OPN1MW: variants seen among roughly 807,000 people sequenced by gnomAD.
The protein encoded by OPN1MW is opsin 1, medium wave sensitive.
A neutral mutation model predicts 7.6 loss-of-function variants in OPN1MW; 1 was observed. That is an observed-to-expected ratio of 0.13 (90% CI 0.05 to 0.62). OPN1MW has a LOEUF of 0.62. OPN1MW is among the 20% of genes least tolerant of loss of function. OPN1MW has a pLI of 0.87. For missense variants in OPN1MW, 16 were observed against 122.7 expected (o/e 0.13, Z 4.11); for synonymous variants, 11 against 51.7 (o/e 0.21, Z 3.38).
At chrX:154,186,418 G>A (rs1217234688) in intron 1 of OPN1MW, among the ~76,000 whole-genome samples, 1 of 97,508 alleles carries the variant, frequency 1.0e-5, no homozygotes. Context: ...TTGAAGTCAG[G>A]AGTTCGAGAC....
chrX:154,189,308 A>T, intron 2 of OPN1MW, among the ~76,000 whole-genome samples: 1 of 25,162 alleles, frequency 4.0e-5, no homozygotes, highest in Non-Finnish European at 7.4e-5. Context: ...GCAGCAAATT[A>T]TACTGAAATA....
At chrX:154,191,354 A>G (rs2067114519) in intron 3 of OPN1MW, among the ~76,000 whole-genome samples, 1 of 80,002 alleles carries the variant, frequency 1.2e-5, no homozygotes, top group Non-Finnish European at 2.6e-5. Context: ...CTGGGACTAT[A>G]GGCGTGAGCC....
chrX:154,193,936 C>T (rs1285742456), intron 5 of OPN1MW, among the ~76,000 whole-genome samples: 3 of 89,898 alleles, frequency 3.3e-5, no homozygotes, highest in Non-Finnish European at 6.5e-5. Flanking sequence ...TTCCGGTGGC[C>T]CTAGAACTAT....
chrX:154,188,318 G>GGAGCTGT (rs2148787111), intron 2 of OPN1MW, among the ~76,000 whole-genome samples: 1 of 44,252 alleles, frequency 2.3e-5, no homozygotes, highest in East Asian at 7.9e-4. Context: ...CAGCCAGTTT[G>GGAGCTGT]GAGCTGTGGG....
At chrX:154,188,619 ACAGTACCATCAT>A in intron 2 of OPN1MW, among the ~76,000 whole-genome samples, 1 of 60,862 alleles carries the variant, frequency 1.6e-5, no homozygotes, top group East Asian at 4.8e-4. Flanking sequence ...CGGCAACCAC[ACAGTACCATCAT>A]CAGTCCTCTC....
chrX:154,186,661 AAAAG>A (rs2067106985), intron 1 of OPN1MW, among the ~76,000 whole-genome samples: 1 of 97,477 alleles, frequency 1.0e-5, no homozygotes, highest in African/African-American at 3.5e-5. Flanking sequence ...AAAAAAAAAG[AAAAG>A]AAAGAAAGGA....
rs782751756 is a variant in OPN1MW at position 154,193,455 on chromosome X, G to A, written c.792G>A (p.Lys264=). 1 of 1,027,380 alleles carries A rather than the reference G, an allele frequency of 9.7e-7. No individual in the cohort carries two copies. Among genetic ancestry groups the A allele is most frequent in the East Asian group, 3.3e-5 (1 of 30,629 alleles). The allele number at this position is 1,027,380 out of a possible 1,213,427, so 84.7% of individuals were successfully genotyped here. ...KESESTQKAE[K]EVTRMVVVMV... ...CTGAATCCACCCAGAAGGCAGAGAA[G>A]GAAGTGACGCGCATGGTGGTGGTGA... The change falls in exon 5 of 6, where the codon AAG becomes AAA. Residue 264 remains lysine (K), a synonymous_variant. Transcript: ENST00000595290.
In OPN1MW at chrX:154,186,659, A is replaced by T. The variant is rs1318734117; in HGVS notation, c.113-1111A>T. Among the ~76,000 whole-genome samples, 2 of 95,685 alleles carry T rather than the reference A, an allele frequency of 2.1e-5. 1 individual carries two copies. The highest frequency in any genetic ancestry group is 4.3e-5 in the Non-Finnish European group (2 of 46,921). 83.1% of individuals were successfully genotyped at this position (95,685 alleles called of 115,157 possible). ...ACTTTGTCCCAAAAAAAAAAAAAAAAGAAAAGAAAGAAAGGAAAAGAATAA... is the reference window on the plus strand; with the variant it reads ...ACTTTGTCCCAAAAAAAAAAAAAAATGAAAAGAAAGAAAGGAAAAGAATAA... On this transcript the variant is annotated intron_variant, in intron 1 of 5. Coordinates refer to ENST00000595290, the MANE Select transcript of OPN1MW (RefSeq NM_000513.2).
At chrX:154,191,176 G>A (rs2067113951) in intron 3 of OPN1MW, among the ~76,000 whole-genome samples, 1 of 69,428 alleles carries the variant, frequency 1.4e-5, no homozygotes, top group Non-Finnish European at 3.1e-5. Flanking sequence ...CACCTCCTGG[G>A]CTCAAGTGAT....
chrX:154,187,851 T>G lies in OPN1MW; in HGVS notation c.194T>G (p.Ile65Ser), dbSNP rs1223726997. The G allele has an allele frequency of 8.7e-6, 3 of 345,490 alleles. No homozygotes were observed. The highest frequency in any genetic ancestry group is 8.4e-6 in the Non-Finnish European group (2 of 237,689). 28.5% of individuals were successfully genotyped at this position (345,490 alleles called of 1,213,427 possible). A position where few individuals can be genotyped will look rare whatever the true frequency, so the allele number is the denominator to read the frequency against. ...AGTGTCTGGATGATCTTTGTGGTCATTGCATCCGTCTTCACAAATGGGCTT... is the reference window on the plus strand; with the variant it reads ...AGTGTCTGGATGATCTTTGTGGTCAGTGCATCCGTCTTCACAAATGGGCTT... Reference protein sequence around the residue: ...LTSVWMIFVVIASVFTNGLVL... With the variant: ...LTSVWMIFVVSASVFTNGLVL... The change falls in exon 2 of 6, where the codon ATT (isoleucine) becomes AGT (serine). Residue 65 changes from isoleucine to serine, a missense_variant. By Grantham distance (142) the Ile-to-Ser change is moderately radical. Coordinates refer to ENST00000595290, the MANE Select transcript of OPN1MW (RefSeq NM_000513.2).
chrX:154,186,643 CAA>C (rs782579946), intron 1 of OPN1MW, among the ~76,000 whole-genome samples: 1,003 of 65,526 alleles, frequency 0.015, 1 homozygote, highest in African/African-American at 0.035. Flanking sequence ...GACTTTGTCC[CAA>C]AAAAAAAAAA....
At chrX:154,186,517 C>G (rs1308514710) in intron 1 of OPN1MW, among the ~76,000 whole-genome samples, 2 of 102,251 alleles carry the variant, frequency 2.0e-5, no homozygotes, top group Non-Finnish European at 4.1e-5. Context: ...CCCAGGTACT[C>G]GAGAGGCTGA....
At position 154,193,494 on chromosome X, in the gene OPN1MW, C is replaced by T. The variant is rs782593044; in HGVS notation, c.831C>T (p.Phe277=). ...TRMVVVMVLA[F]CFCWGPYAFF... ...TGGTGGTGGTGATGGTCCTGGCATTCTGCTTCTGCTGGGGACCATACGCCT... is the reference window on the plus strand; with the variant it reads ...TGGTGGTGGTGATGGTCCTGGCATTTTGCTTCTGCTGGGGACCATACGCCT... Residue 277 remains phenylalanine, a synonymous_variant, in exon 5 of 6, where the codon TTC becomes TTT. Coordinates refer to ENST00000595290, the MANE Select transcript of OPN1MW (RefSeq NM_000513.2). 9.7e-6 allele frequency: 10 copies of T among 1,029,829 alleles called. 1 individual carries two copies. The East Asian group carries it at 2.9e-4, about 30-fold the overall frequency. The allele number at this position is 1,029,829 out of a possible 1,213,427, so 84.9% of individuals were successfully genotyped here.
chrX:154,193,501 T>G lies in OPN1MW; in HGVS notation c.838T>G (p.Cys280Gly). 1 of 1,030,141 alleles carries G rather than the reference T, an allele frequency of 9.7e-7. No individual in the cohort carries two copies. The highest frequency in any genetic ancestry group is 1.3e-6 in the Non-Finnish European group (1 of 778,501). The allele number at this position is 1,030,141 out of a possible 1,213,427, so 84.9% of individuals were successfully genotyped here. The change falls in exon 5 of 6, where the codon TGC becomes GGC. Residue 280 changes from cysteine to glycine, a missense_variant. Coordinates refer to ENST00000595290, the MANE Select transcript of OPN1MW (RefSeq NM_000513.2). ...VVVMVLAFCF[C>G]WGPYAFFACF... Reference sequence around the variant, plus strand: ...GGTGATGGTCCTGGCATTCTGCTTCTGCTGGGGACCATACGCCTTCTTCGC... The same window carrying G: ...GGTGATGGTCCTGGCATTCTGCTTCGGCTGGGGACCATACGCCTTCTTCGC...
At chrX:154,186,669 G>C (rs2067107023) in intron 1 of OPN1MW, among the ~76,000 whole-genome samples, 1 of 94,829 alleles carries the variant, frequency 1.1e-5, no homozygotes, top group East Asian at 3.3e-4. Flanking sequence ...AGAAAAGAAA[G>C]AAAGGAAAAG....
chrX:154,186,496 C>T (rs1286478603), intron 1 of OPN1MW, among the ~76,000 whole-genome samples: 1 of 101,627 alleles, frequency 9.8e-6, no homozygotes, highest in Non-Finnish European at 2.1e-5. Context: ...TGGTAATGCA[C>T]GGCTTGTAGT....
At chrX:154,186,318 G>A (rs1189831106) in intron 1 of OPN1MW, among the ~76,000 whole-genome samples, 2 of 85,373 alleles carry the variant, frequency 2.3e-5, no homozygotes, top group African/African-American at 3.9e-5. Context: ...CACAAAAGGT[G>A]TAGAGCCCTA....
At chrX:154,191,284 T>C (rs1204778695) in intron 3 of OPN1MW, among the ~76,000 whole-genome samples, 9 of 95,560 alleles carry the variant, frequency 9.4e-5, no homozygotes, top group Non-Finnish European at 1.8e-4. Context: ...CTCACTGTGT[T>C]CCAGGCTAGT....
chrX:154,193,377 AC>A lies in OPN1MW; in HGVS notation c.745-26del. The A allele has an allele frequency of 5.2e-5, 47 of 910,695 alleles. 5 individuals are homozygous for A. The highest frequency in any genetic ancestry group is 6.7e-5 in the Non-Finnish European group (46 of 685,875). The allele number at this position is 910,695 out of a possible 1,213,427, so 75.1% of individuals were successfully genotyped here. ...GTCACCTGCCTCTTGCTGCCCTCCA[AC>A]CCCCGACTCACTATCCCTGTCTCCC... On this transcript the variant is annotated intron_variant, in intron 4 of 5. Coordinates refer to ENST00000595290, the MANE Select transcript of OPN1MW (RefSeq NM_000513.2).
Sources: gnomAD v4.1 joint callset for allele counts (sites outside exome capture counted in the v4.1 genomes callset) on GRCh38, gnomAD v4.1.1 for gene constraint, MANE v1.5 for transcripts, NCBI Gene and HGNC (gene_info 2026-07-23, HGNC 2026-07-21) for gene names.